Variants in ITPR1 observed in about 807,000 individuals in gnomAD.
ITPR1 encodes inositol 1,4,5-trisphosphate-gated calcium channel ITPR1.
In ITPR1, 96 loss-of-function variants were observed where a neutral mutation model predicts 318.4. The ratio of observed to expected loss-of-function variants is 0.30; its 90% confidence interval spans 0.26 to 0.36. ITPR1 has a LOEUF of 0.36. ITPR1 is among the 10% of genes least tolerant of loss of function. The pLI is 1.00. For synonymous variants in ITPR1, 1,312 were observed against 1,289.9 expected (o/e 1.02, Z -0.37); for missense variants, 2,440 against 3,460.2 (o/e 0.71, Z 7.40).
At chr3:4,702,728 G>A (rs546466688) in intron 35 of ITPR1, 102 bp from the exon 36 acceptor site, 185 of 1,252,550 alleles carry the variant, frequency 1.5e-4, no homozygotes, top group East Asian at 2.5e-4. Flanking sequence ...TCTCTGATCT[G>A]GGGTCCAGTG....
intron 4 of ITPR1, among the ~76,000 whole-genome samples, chr3:4,575,713 T>TAA (rs201350558): frequency 7.0e-6 from 1 of 142,444 alleles, no homozygotes. Flanking sequence ...ATGTCTTCTT[T>TAA]AAAAAAAAAA....
At chr3:4,741,133 C>G (rs954502162) in intron 44 of ITPR1, among the ~76,000 whole-genome samples, 4 of 152,106 alleles carry the variant, frequency 2.6e-5, no homozygotes, top group Non-Finnish European at 5.9e-5. Context: ...CTTCCTCTTC[C>G]TTACAGAAGG....
intron 44 of ITPR1, among the ~76,000 whole-genome samples, chr3:4,738,176 T>C (rs993482711): frequency 3.9e-5 from 6 of 152,078 alleles, no homozygotes; most frequent in Admixed American, 3.9e-4. Flanking sequence ...AGCTTACCTA[T>C]GTAACCTGCA....
chr3:4,690,361 T>C (rs2094461161), intron 31 of ITPR1, among the ~76,000 whole-genome samples: 3 of 152,128 alleles, frequency 2.0e-5, no homozygotes, highest in African/African-American at 7.2e-5. Context: ...GGCCAGTAAA[T>C]GTGACAAAGT....
Position 4,688,563 on chromosome 3 carries a change from C to A in ITPR1, c.3771C>A (p.Gly1257=). ...AATTTTTGCAGAATTTCTGCGCAGG[C>A]AACCAGCAGAATCAAGCTTTGCTAC... The part of the protein sequence containing the change: ...AHEFLQNFCA[G]NQQNQALLHK... Residue 1257 remains glycine, a synonymous_variant, in exon 31 of 62, where the codon GGC becomes GGA. Transcript: ENST00000649015. 6.2e-7 allele frequency: 1 copy of A among 1,613,930 alleles called. No homozygotes were observed. The highest frequency in any genetic ancestry group is 8.5e-7 in the Non-Finnish European group (1 of 1,179,814).
At chr3:4,646,684 G>A (rs893183735) in intron 10 of ITPR1, among the ~76,000 whole-genome samples, 1 of 152,158 alleles carries the variant, frequency 6.6e-6, no homozygotes, top group African/African-American at 2.4e-5. Context: ...TTTGTTGTAA[G>A]GAGAGTCTAG....
chr3:4,713,984 A>G (rs1447483354), intron 39 of ITPR1, among the ~76,000 whole-genome samples: 2 of 152,344 alleles, frequency 1.3e-5, no homozygotes, highest in Non-Finnish European at 1.5e-5. Context: ...CTTGACTGCC[A>G]GGAAATGCTA....
chr3:4,702,184 G>A (rs34953856), intron 35 of ITPR1, among the ~76,000 whole-genome samples: 18,890 of 152,146 alleles, frequency 0.12, 1,508 homozygotes, highest in Middle Eastern at 0.18. Flanking sequence ...TTTAAAATGA[G>A]TATAAATTTA....
chr3:4,777,820 A>G (rs1456025345), intron 48 of ITPR1, among the ~76,000 whole-genome samples: 2 of 151,380 alleles, frequency 1.3e-5, no homozygotes, highest in Non-Finnish European at 2.9e-5. Flanking sequence ...ACAAACATGT[A>G]TTTTTACTTA....
intron 60 of ITPR1, among the ~76,000 whole-genome samples, chr3:4,819,338 G>A (rs999646672): frequency 3.9e-5 from 6 of 152,188 alleles, no homozygotes; most frequent in African/African-American, 1.2e-4. Context: ...GGTCCTTAGA[G>A]TTGAATTCCA....
At chr3:4,746,776 T>A (rs1424625984) in intron 44 of ITPR1, among the ~76,000 whole-genome samples, 1 of 152,218 alleles carries the variant, frequency 6.6e-6, no homozygotes, top group Non-Finnish European at 1.5e-5. Context: ...TGGAAGGCAC[T>A]CAGCTCAGCA....
chr3:4,762,868 A>G (rs749354830), intron 44 of ITPR1, among the ~76,000 whole-genome samples: 1 of 152,250 alleles, frequency 6.6e-6, no homozygotes, highest in African/African-American at 2.4e-5. Context: ...AAATCATTCT[A>G]TTATAAAGTT....
intron 44 of ITPR1, among the ~76,000 whole-genome samples, chr3:4,743,038 C>T (rs1347736736): frequency 6.6e-6 from 1 of 152,168 alleles, no homozygotes; most frequent in African/African-American, 2.4e-5. Context: ...CGGTTTTTGC[C>T]ACTAATAGTA....
At chr3:4,760,240 A>G (rs2045341431) in intron 44 of ITPR1, among the ~76,000 whole-genome samples, 1 of 152,240 alleles carries the variant, frequency 6.6e-6, no homozygotes, top group Admixed American at 6.5e-5. Flanking sequence ...CTGGTGAGAC[A>G]GCTTATATGG....
At chr3:4,589,120 T>G (rs1367635885) in intron 4 of ITPR1, among the ~76,000 whole-genome samples, 1 of 152,118 alleles carries the variant, frequency 6.6e-6, no homozygotes, top group Non-Finnish European at 1.5e-5. Context: ...CTCAGGAGTT[T>G]GAGATCAGCC....
chr3:4,611,880 T>C (rs1028748053), intron 4 of ITPR1, among the ~76,000 whole-genome samples: 16 of 152,196 alleles, frequency 1.1e-4, no homozygotes, highest in African/African-American at 3.6e-4. Context: ...AGCCTATTTA[T>C]GAATCAAGAG....
At chr3:4,586,386 C>T (rs944537152) in intron 4 of ITPR1, among the ~76,000 whole-genome samples, 1 of 152,156 alleles carries the variant, frequency 6.6e-6, no homozygotes, top group Admixed American at 6.5e-5. Context: ...ATGCCCACAG[C>T]AACATGGTTA....
chr3:4,549,572 A>T (rs1575496247), intron 4 of ITPR1, among the ~76,000 whole-genome samples: 2 of 149,926 alleles, frequency 1.3e-5, no homozygotes, highest in East Asian at 3.9e-4. Context: ...TCTTTTTGAA[A>T]CCTGGAACAT....
In ITPR1 at chr3:4,614,030, A is replaced by T. The variant is rs541618987; in HGVS notation, c.164-13733A>T. On this transcript the variant is annotated intron_variant, in intron 4 of 61. Coordinates refer to ENST00000649015, the MANE Select transcript of ITPR1 (RefSeq NM_001378452.1). ...GTCACTCTAGTTGCGCCTGTTTTTG[A>T]ACTTCATGTAAGTGGATTCATTCAG... is the stretch of plus-strand genomic sequence containing the variant. Among the ~76,000 whole-genome samples, 12 of 152,332 alleles carry T rather than the reference A, an allele frequency of 7.9e-5. No individual in the cohort carries two copies. In the South Asian group the frequency reaches 2.5e-3, roughly 32 times the overall value.
Sources: allele counts gnomAD v4.1 joint callset (sites outside exome capture counted in the v4.1 genomes callset), GRCh38; gene constraint gnomAD v4.1.1; transcripts MANE v1.5; gene names NCBI Gene and HGNC (gene_info 2026-07-23, HGNC 2026-07-21).